Variants in KCNAB2 observed in about 807,000 individuals in gnomAD.
The protein encoded by KCNAB2 is potassium voltage-gated channel subfamily A regulatory beta subunit 2.
KCNAB2 carries 29 observed loss-of-function variants against 63.6 expected under a neutral mutation model. The observed-to-expected ratio is 0.46, with a 90% confidence interval of 0.34 to 0.62. KCNAB2 has a LOEUF of 0.62. Among genes scored for constraint, KCNAB2 ranks in the 20% least tolerant of loss-of-function variants. KCNAB2 has a pLI of 0.01. For missense variants in KCNAB2, 359 were observed against 563.9 expected (o/e 0.64, Z 3.68); for synonymous variants, 222 against 224.2 (o/e 0.99, Z 0.09).
At chr1:6,000,216 AGTAGCAG>A (rs1318571265) in intron 1 of KCNAB2, among the ~76,000 whole-genome samples, 9 of 152,110 alleles carry the variant, frequency 5.9e-5, no homozygotes, top group Non-Finnish European at 1.5e-5. Flanking sequence ...CATGGAAATG[AGTAGCAG>A]GTATTTTTAG....
intron 2 of KCNAB2, among the ~76,000 whole-genome samples, chr1:6,057,490 G>A (rs929298309): frequency 2.0e-5 from 3 of 152,168 alleles, no homozygotes; most frequent in Admixed American, 1.3e-4. Flanking sequence ...AGGGGGGATG[G>A]CAAGTTAACC....
At chr1:6,036,525 G>GT (rs1660053521) in intron 1 of KCNAB2, among the ~76,000 whole-genome samples, 2 of 152,122 alleles carry the variant, frequency 1.3e-5, no homozygotes, top group Non-Finnish European at 1.5e-5. Context: ...AAGAAACTGT[G>GT]TTTTTTGTTT....
At chr1:6,022,126 G>A (rs1242194911) in intron 1 of KCNAB2, among the ~76,000 whole-genome samples, 1 of 152,090 alleles carries the variant, frequency 6.6e-6, no homozygotes, top group Admixed American at 6.5e-5. Context: ...GTGGTATCGA[G>A]TGTGTAGTTC....
At chr1:6,050,211 G>A (rs554800301) in intron 1 of KCNAB2, among the ~76,000 whole-genome samples, 13 of 152,186 alleles carry the variant, frequency 8.5e-5, no homozygotes, top group Non-Finnish European at 1.9e-4. Flanking sequence ...GACAGTGCTG[G>A]TTCCTTTCCA....
In KCNAB2 at chr1:6,035,402, G is replaced by A. The variant is rs376377633; in HGVS notation, c.-53+608G>A. On this transcript the variant is annotated intron_variant, in intron 1 of 15. Transcript: ENST00000164247. This position sits in a 1 kb window ranked among gnomAD's most constrained non-coding sequence, Gnocchi z 5.0. ...TCACCCTGGCCGCGTAGAGTCTGCCGGCGGGGGTGGAGGTGGGCGCAGGGA... is the reference window on the plus strand; with the variant it reads ...TCACCCTGGCCGCGTAGAGTCTGCCAGCGGGGGTGGAGGTGGGCGCAGGGA... 5.3e-5 allele frequency among the ~76,000 whole-genome samples: 8 copies of A among 152,288 alleles called. No homozygotes were observed. The highest frequency in any genetic ancestry group is 2.1e-4 in the South Asian group (1 of 4,820).
chr1:6,023,079 G>A (rs898171289), intron 1 of KCNAB2, among the ~76,000 whole-genome samples: 21 of 151,752 alleles, frequency 1.4e-4, no homozygotes, highest in African/African-American at 4.6e-4. Flanking sequence ...ACGGGGTTTC[G>A]CCATGTTGGC....
intron 1 of KCNAB2, among the ~76,000 whole-genome samples, chr1:5,995,649 A>C (rs563726454): frequency 1.2e-4 from 18 of 152,284 alleles, no homozygotes; most frequent in Admixed American, 1.2e-3. Flanking sequence ...CCATAGTTAG[A>C]GAAGAGTGAG....
In KCNAB2 at chr1:6,100,228, AG is replaced by A. The variant is rs1202009632; in HGVS notation, c.*1659del. On this transcript the variant is annotated 3_prime_UTR_variant, in exon 16 of 16. Transcript: ENST00000378083. ...GGGGAGAGGCTGGGGCGAGGGGAGG[AG>A]GGGGATCAGCTTCTGCTATTACCGA... The A allele has an allele frequency of 2.5e-6, 2 of 792,310 alleles. No homozygotes were observed. The highest frequency in any genetic ancestry group is 3.5e-5 in the African/African-American group (2 of 57,326). 49.1% of individuals were successfully genotyped at this position (792,310 alleles called of 1,614,324 possible).
intron 2 of KCNAB2, among the ~76,000 whole-genome samples, chr1:6,058,062 T>C (rs1661991457): frequency 6.6e-6 from 1 of 151,948 alleles, no homozygotes; most frequent in South Asian, 2.1e-4. Context: ...GAAGTGAGGA[T>C]CACTGAGCCC....
At chr1:6,025,182 A>G (rs1295104893) in intron 1 of KCNAB2, among the ~76,000 whole-genome samples, 1 of 151,648 alleles carries the variant, frequency 6.6e-6, no homozygotes. Flanking sequence ...CACTGTCTTT[A>G]TCTTTATCCT....
chr1:6,091,143 T>A, intron 9 of KCNAB2, 120 bp from the exon 10 acceptor site: 2 of 738,286 alleles, frequency 2.7e-6, no homozygotes, highest in Non-Finnish European at 4.7e-6. Context: ...TTTTCCTTTT[T>A]AACTAAACGC....
At chr1:6,023,480 G>T (rs1658963587) in intron 1 of KCNAB2, among the ~76,000 whole-genome samples, 2 of 152,086 alleles carry the variant, frequency 1.3e-5, no homozygotes, top group South Asian at 4.1e-4. Flanking sequence ...CTTTTTTATA[G>T]CGGCCATCCT....
chr1:6,004,931 GGGGT>G (rs1657472592), intron 1 of KCNAB2, among the ~76,000 whole-genome samples: 1 of 150,226 alleles, frequency 6.7e-6, no homozygotes, highest in Non-Finnish European at 1.5e-5. Context: ...TGCTGGCTGA[GGGGT>G]GAGGGTGGAG....
chr1:6,054,199 G>A (rs1661618789), intron 2 of KCNAB2, among the ~76,000 whole-genome samples: 1 of 152,156 alleles, frequency 6.6e-6, no homozygotes, highest in Non-Finnish European at 1.5e-5. Flanking sequence ...TGTGGTGATA[G>A]AGAGTGGAGT....
chr1:6,098,204 T>G, intron 15 of KCNAB2: 3 of 1,160,100 alleles, frequency 2.6e-6, no homozygotes, highest in East Asian at 4.9e-5. Flanking sequence ...TGGCCTGGAG[T>G]TTCCATTTTA....
chr1:6,038,023 C>T (rs868590227), intron 1 of KCNAB2, among the ~76,000 whole-genome samples: 4 of 151,828 alleles, frequency 2.6e-5, no homozygotes, highest in Admixed American at 1.3e-4. Context: ...TACAGGCGCC[C>T]GCCATCACAC....
intron 1 of KCNAB2, among the ~76,000 whole-genome samples, chr1:5,999,118 G>T (rs561712220): frequency 1.3e-5 from 2 of 152,370 alleles, no homozygotes; most frequent in Admixed American, 1.3e-4. Context: ...TTAATGGGGG[G>T]CATTTCTGGG....
At chr1:6,063,534 C>T (rs553296744) in intron 2 of KCNAB2, among the ~76,000 whole-genome samples, 20 of 152,064 alleles carry the variant, frequency 1.3e-4, no homozygotes, top group South Asian at 4.2e-4. Context: ...CTCAGCCTCC[C>T]GAGTAGCTGG....
intron 1 of KCNAB2, among the ~76,000 whole-genome samples, chr1:6,013,023 C>T (rs751374735): frequency 1.2e-4 from 19 of 152,226 alleles, no homozygotes; most frequent in South Asian, 8.3e-4. Context: ...CACCCTCTGT[C>T]GCCCTAAGAG....
Sources: gnomAD v4.1 joint callset for allele counts (sites outside exome capture counted in the v4.1 genomes callset) on GRCh38, gnomAD v4.1.1 for gene constraint, Gnocchi (gnomAD v3.1) non-coding constraint, MANE v1.5 for transcripts, NCBI Gene and HGNC (gene_info 2026-07-23, HGNC 2026-07-21) for gene names.